CLMN: variants seen among roughly 807,000 people sequenced by gnomAD.
CLMN encodes the protein calmin, also known as calmin (calponin-like, transmembrane).
Under a neutral mutation model 92.7 loss-of-function variants are expected in CLMN, and 57 were observed. The observed-to-expected ratio is 0.61, with a 90% confidence interval of 0.50 to 0.77. CLMN has a LOEUF of 0.77. Ranked by LOEUF, CLMN falls within the 30% of genes least tolerant of loss-of-function variation. The pLI is 0.00. For missense variants in CLMN, 1,158 were observed against 1,237.5 expected (o/e 0.94, Z 0.96); for synonymous variants, 466 against 470.6 (o/e 0.99, Z 0.13).
chr14:95,234,942 A>G (rs983283411), intron 1 of CLMN, among the ~76,000 whole-genome samples: 1 of 152,236 alleles, frequency 6.6e-6, no homozygotes, highest in African/African-American at 2.4e-5. Flanking sequence ...TACTTTCTAC[A>G]TATTGATAAT....
chr14:95,206,245 G>C (rs1017974327), intron 8 of CLMN, among the ~76,000 whole-genome samples: 4 of 152,064 alleles, frequency 2.6e-5, no homozygotes, highest in African/African-American at 9.7e-5. Context: ...GCACTTAACA[G>C]CATAGCATCA....
At chr14:95,205,947 A>G (rs1480383330) in intron 8 of CLMN, among the ~76,000 whole-genome samples, 1 of 152,194 alleles carries the variant, frequency 6.6e-6, no homozygotes, top group African/African-American at 2.4e-5. Flanking sequence ...AATAACCAAG[A>G]TGGTAGATGA....
Position 95,203,043 on chromosome 14 carries a change from G to T in CLMN, c.2306C>A (p.Ser769Tyr). Residue 769 changes from serine (S) to tyrosine (Y), a missense_variant, in exon 9 of 13, where the codon TCC becomes TAC. By Grantham distance (144) the Ser-to-Tyr change is moderately radical. Transcript: ENST00000298912. ...AGAGCCATCGGCCTCCTCCTCCCTG[G>T]AGTCCAGGTCTGGCATATAGCCCTC... ...EPEGYMPDLD[S>Y]REEEADGSQS... is the part of the protein sequence containing the mutation. The T allele has an allele frequency of 6.2e-7, 1 of 1,614,100 alleles. No individual in the cohort carries two copies. The highest frequency in any genetic ancestry group is 8.5e-7 in the Non-Finnish European group (1 of 1,180,002).
intron 1 of CLMN, among the ~76,000 whole-genome samples, chr14:95,258,018 C>T (rs1460848421): frequency 1.3e-5 from 2 of 149,994 alleles, no homozygotes; most frequent in Admixed American, 6.6e-5. Flanking sequence ...CATGTGGGGG[C>T]TGTGGGCATG....
chr14:95,275,809 C>T (rs1899903844), intron 1 of CLMN, among the ~76,000 whole-genome samples: 1 of 152,068 alleles, frequency 6.6e-6, no homozygotes. Flanking sequence ...ATTACAGGCG[C>T]ATGCCACCAT....
intron 1 of CLMN, among the ~76,000 whole-genome samples, chr14:95,278,664 A>G (rs1429199763): frequency 6.6e-6 from 1 of 152,138 alleles, no homozygotes; most frequent in Non-Finnish European, 1.5e-5. Context: ...ATGCATTATG[A>G]GAGATATAGC....
intron 1 of CLMN, among the ~76,000 whole-genome samples, chr14:95,246,626 G>GC (rs1898583200): frequency 6.6e-6 from 1 of 152,082 alleles, no homozygotes; most frequent in Admixed American, 6.5e-5. Context: ...CCACCACCAC[G>GC]CCAGCTAATT....
At chr14:95,283,871 T>A (rs1900235980) in intron 1 of CLMN, among the ~76,000 whole-genome samples, 1 of 152,202 alleles carries the variant, frequency 6.6e-6, no homozygotes, top group African/African-American at 2.4e-5. Flanking sequence ...AAACCCATTT[T>A]GGGGGAAGAA....
At position 95,194,139 on chromosome 14, in the gene CLMN, C is replaced by A; in HGVS notation, c.2770-220G>T. 7.1e-7 allele frequency: 1 copy of A among 1,414,144 alleles called. No individual in the cohort carries two copies. Among genetic ancestry groups the A allele is most frequent in the Non-Finnish European group, 9.2e-7 (1 of 1,090,490 alleles). The allele number at this position is 1,414,144 out of a possible 1,614,324, so 87.6% of individuals were successfully genotyped here. Reference sequence around the variant, plus strand: ...TTGTGAGTGCGAGAGACCCCACCACCCGGAACCCGGATTGGGGTGTGCTGC... The same window carrying A: ...TTGTGAGTGCGAGAGACCCCACCACACGGAACCCGGATTGGGGTGTGCTGC... On this transcript the variant is annotated intron_variant, in intron 11 of 12. Coordinates refer to ENST00000298912, the MANE Select transcript of CLMN (RefSeq NM_024734.4). The surrounding 1 kb of genome is among the most constrained non-coding windows in gnomAD (Gnocchi z 4.0).
At chr14:95,225,921 G>A (rs529777549) in intron 2 of CLMN, among the ~76,000 whole-genome samples, 7 of 152,268 alleles carry the variant, frequency 4.6e-5, no homozygotes, top group Non-Finnish European at 5.9e-5. Context: ...GGACGTGGCC[G>A]GGAGTCTGAA....
Position 95,319,712 on chromosome 14 carries a change from T to G in CLMN, c.81A>C (p.Gln27His). 6.3e-7 allele frequency: 1 copy of G among 1,594,572 alleles called. No homozygotes were observed. The highest frequency in any genetic ancestry group is 8.5e-7 in the Non-Finnish European group (1 of 1,174,872). Reference sequence around the variant, plus strand: ...CGGGGCGAGCCTGGGCTGCGTTACCTTGCAGGTTCTGCACTCGGATGTCGC... The same window carrying G: ...CGGGGCGAGCCTGGGCTGCGTTACCGTGCAGGTTCTGCACTCGGATGTCGC... Reference protein sequence around the residue: ...QISDIRVQNLQVERENVQKRT... With the variant: ...QISDIRVQNLHVERENVQKRT... The change falls in exon 1 of 13, where the codon CAA (glutamine) becomes CAC (histidine). Residue 27 changes from glutamine (Q) to histidine (H), a missense_variant and splice_region_variant. Transcript: ENST00000298912.
chr14:95,201,449 G>C (rs1414326250), intron 9 of CLMN, among the ~76,000 whole-genome samples: 1 of 151,744 alleles, frequency 6.6e-6, no homozygotes, highest in African/African-American at 2.4e-5. Flanking sequence ...AATACCCAAC[G>C]GTTAGTACAC....
intron 1 of CLMN, among the ~76,000 whole-genome samples, chr14:95,299,268 G>C (rs1486052149): frequency 6.6e-6 from 1 of 152,184 alleles, no homozygotes; most frequent in Non-Finnish European, 1.5e-5. Flanking sequence ...AGTCAGGAGA[G>C]AGCAGATGCA....
chr14:95,252,847 C>T (rs1279588888), intron 1 of CLMN, among the ~76,000 whole-genome samples: 2 of 152,162 alleles, frequency 1.3e-5, no homozygotes, highest in African/African-American at 2.4e-5. Flanking sequence ...AAGCATCCTG[C>T]CCCCATGGGG....
chr14:95,199,266 T>C (rs1397157789), intron 9 of CLMN: 1 of 152,216 alleles, frequency 6.6e-6, no homozygotes, highest in Admixed American at 6.5e-5. Flanking sequence ...TAATTTCCCT[T>C]ATTCTCTTTA....
chr14:95,208,970 T>G (rs1178463190), intron 8 of CLMN, among the ~76,000 whole-genome samples: 1 of 152,246 alleles, frequency 6.6e-6, no homozygotes, highest in Non-Finnish European at 1.5e-5. Context: ...AAAGTGCTTG[T>G]GTTCACATAG....
chr14:95,295,212 A>C (rs1374590839), intron 1 of CLMN, among the ~76,000 whole-genome samples: 1 of 152,200 alleles, frequency 6.6e-6, no homozygotes. Flanking sequence ...GCTCCTGGGG[A>C]AAATGTGTTC....
chr14:95,284,268 G>T (rs1481191770), intron 1 of CLMN, among the ~76,000 whole-genome samples: 4 of 152,226 alleles, frequency 2.6e-5, no homozygotes, highest in African/African-American at 9.6e-5. Flanking sequence ...ATATGGAAAT[G>T]CCTGGATGCG....
At position 95,203,368 on chromosome 14, in the gene CLMN, C is replaced by T. The variant is rs1438986902; in HGVS notation, c.1981G>A (p.Ala661Thr). The change falls in exon 9 of 13, where the codon GCC becomes ACC. Residue 661 changes from alanine (A) to threonine (T), a missense_variant. Ala to Thr is a moderately conservative substitution (Grantham distance 58). Transcript: ENST00000298912. Reference protein sequence around the residue: ...VDKKPEVHEKAKRKSTRPHYE... With the variant: ...VDKKPEVHEKTKRKSTRPHYE... The stretch of plus-strand genomic sequence containing the variant: ...TGAGGACGGGTGGACTTTCTCTTGG[C>T]CTTTTCATGCACCTCTGGCTTTTTA... 5 of 1,614,016 alleles carry T rather than the reference C, an allele frequency of 3.1e-6. No individual in the cohort carries two copies. The South Asian group carries it at 5.5e-5, about 18-fold the overall frequency.
Sources: gnomAD v4.1 joint callset for allele counts (sites outside exome capture counted in the v4.1 genomes callset) on GRCh38, gnomAD v4.1.1 for gene constraint, Gnocchi (gnomAD v3.1) non-coding constraint, MANE v1.5 for transcripts, NCBI Gene and HGNC (gene_info 2026-07-23, HGNC 2026-07-21) for gene names.